The following AK5 variants were observed in gnomAD, a reference collection of about 807,000 sequenced individuals.
The protein encoded by AK5 is adenylate kinase isoenzyme 5.
In AK5, 27 loss-of-function variants were observed where a neutral mutation model predicts 69.5. The ratio of observed to expected loss-of-function variants is 0.39; its 90% CI spans 0.29 to 0.54. AK5 has a LOEUF of 0.54. Among genes scored for constraint, AK5 ranks in the 20% least tolerant of loss-of-function variants. AK5 has a pLI of 0.71. For missense variants in AK5, 531 were observed against 700.4 expected (o/e 0.76, Z 2.73); for synonymous variants, 260 against 244.4 (o/e 1.06, Z -0.60).
chr1:77,488,989 A>C (rs1443372387), intron 10 of AK5, among the ~76,000 whole-genome samples: 5 of 152,216 alleles, frequency 3.3e-5, no homozygotes, highest in African/African-American at 1.2e-4. Flanking sequence ...AGCTTCCAAA[A>C]ATAATACAGT....
intron 6 of AK5, among the ~76,000 whole-genome samples, chr1:77,367,779 A>ACGTTATATGTTAT (rs1557533869): frequency 0.11 from 1,118 of 10,450 alleles, 446 homozygotes; most frequent in East Asian, 0.25. Flanking sequence ...TGTTATATAT[A>ACGTTATATGTTAT]ATATATGTTA....
intron 5 of AK5, among the ~76,000 whole-genome samples, chr1:77,318,913 A>C (rs1308672080): frequency 6.6e-6 from 1 of 152,200 alleles, no homozygotes; most frequent in African/African-American, 2.4e-5. Context: ...AGGTTCCAGC[A>C]GGAAAGCAAT....
intron 8 of AK5, among the ~76,000 whole-genome samples, chr1:77,461,082 G>A (rs1407735994): frequency 6.9e-6 from 1 of 144,946 alleles, no homozygotes; most frequent in Non-Finnish European, 1.5e-5. Flanking sequence ...CGCCCAGGCT[G>A]GACTGCAGTG....
intron 6 of AK5, among the ~76,000 whole-genome samples, chr1:77,382,431 A>G (rs539061192): frequency 2.8e-3 from 422 of 152,256 alleles, no homozygotes; most frequent in Admixed American, 4.8e-3. Flanking sequence ...GCTCACTGCA[A>G]CCTCAAACTT....
At chr1:77,445,397 CAT>C (rs1328984679) in intron 8 of AK5, among the ~76,000 whole-genome samples, 1 of 152,138 alleles carries the variant, frequency 6.6e-6, no homozygotes, top group East Asian at 1.9e-4. Context: ...AGTACCTTTT[CAT>C]GTACCTGTTG....
At position 77,340,268 on chromosome 1, in the gene AK5, G is replaced by A. The variant is rs1439224372; in HGVS notation, c.700-109G>A. Reference sequence around the variant, plus strand: ...GAAATACACTGTCAAAAACATAGAGGGCCAAATATATGGCAGCCTCCACAG... The same window carrying A: ...GAAATACACTGTCAAAAACATAGAGAGCCAAATATATGGCAGCCTCCACAG... On this transcript the variant is annotated intron_variant, in intron 5 of 13. Coordinates refer to ENST00000354567, the MANE Select transcript of AK5 (RefSeq NM_174858.3). 1.0e-5 allele frequency: 11 copies of A among 1,099,534 alleles called. No homozygotes were observed. In the East Asian group the frequency reaches 1.4e-4, roughly 14 times the overall value. The allele number at this position is 1,099,534 out of a possible 1,614,324, so 68.1% of individuals were successfully genotyped here.
rs572168775 is a variant in AK5, at chr1:77,522,833, A to G, written c.1428+890A>G. On this transcript the variant is annotated intron_variant, in intron 12 of 13. Transcript: ENST00000354567. ...GAGAACTTAAAAGAAATTCATATTT[A>G]TAGAGATATCTCTTCAGACTAGTTT... Among the ~76,000 whole-genome samples, 5 of 152,356 alleles carry G rather than the reference A, an allele frequency of 3.3e-5. No individual in the cohort carries two copies. The South Asian group carries it at 1.0e-3, about 32-fold the overall frequency.
intron 10 of AK5, among the ~76,000 whole-genome samples, chr1:77,499,849 C>G (rs921724305): frequency 1.5e-5 from 2 of 131,682 alleles, no homozygotes; most frequent in African/African-American, 5.7e-5. Context: ...TCCTAGATGA[C>G]AGAGACCATG....
At chr1:77,389,090 A>G (rs1648243431) in intron 6 of AK5, among the ~76,000 whole-genome samples, 1 of 152,194 alleles carries the variant, frequency 6.6e-6, no homozygotes. Flanking sequence ...GACTTCTTTG[A>G]CTAGAGAGCA....
intron 8 of AK5, among the ~76,000 whole-genome samples, chr1:77,435,236 G>A (rs1380518816): frequency 6.6e-6 from 1 of 152,162 alleles, no homozygotes; most frequent in Non-Finnish European, 1.5e-5. Flanking sequence ...AGCAAAAATT[G>A]TACTTCTGAG....
intron 10 of AK5, among the ~76,000 whole-genome samples, chr1:77,486,598 T>C (rs1655613714): frequency 6.6e-6 from 1 of 150,898 alleles, no homozygotes; most frequent in South Asian, 2.1e-4. Flanking sequence ...CTCGGGAGGC[T>C]GAGGCAGGAG....
chr1:77,361,563 A>T (rs1177335654), intron 6 of AK5, among the ~76,000 whole-genome samples: 1 of 152,218 alleles, frequency 6.6e-6, no homozygotes. Context: ...TGTGTGTATC[A>T]TGAGCCCTGT....
chr1:77,390,436 G>A (rs1211007895), intron 6 of AK5, among the ~76,000 whole-genome samples: 2 of 152,170 alleles, frequency 1.3e-5, no homozygotes, highest in Non-Finnish European at 2.9e-5. Context: ...CTCAGTATCA[G>A]TAAACAGTTA....
At chr1:77,367,640 T>TAATA (rs1345965798) in intron 6 of AK5, among the ~76,000 whole-genome samples, 1 of 84,702 alleles carries the variant, frequency 1.2e-5, no homozygotes, top group South Asian at 4.1e-4. Flanking sequence ...AATATATATG[T>TAATA]TATGTTATAT....
intron 7 of AK5, among the ~76,000 whole-genome samples, chr1:77,416,036 T>C (rs1398860017): frequency 6.6e-6 from 1 of 151,924 alleles, no homozygotes; most frequent in Non-Finnish European, 1.5e-5. Context: ...ATGGGAAAAA[T>C]ACATATATAG....
At chr1:77,430,028 G>A (rs1194497300) in intron 8 of AK5, among the ~76,000 whole-genome samples, 1 of 151,990 alleles carries the variant, frequency 6.6e-6, no homozygotes, top group African/African-American at 2.4e-5. Context: ...TTCTGAGGAG[G>A]GAGGAGAGTG....
chr1:77,512,248 A>G (rs901700748), intron 10 of AK5, among the ~76,000 whole-genome samples: 3 of 152,162 alleles, frequency 2.0e-5, no homozygotes, highest in Non-Finnish European at 2.9e-5. Flanking sequence ...TGTGTGAGAG[A>G]GAGAGAGACA....
At chr1:77,419,583 A>G (rs974025543) in intron 8 of AK5, among the ~76,000 whole-genome samples, 1 of 152,238 alleles carries the variant, frequency 6.6e-6, no homozygotes, top group African/African-American at 2.4e-5. Flanking sequence ...AATTCAATTA[A>G]CGGTTGAATA....
At chr1:77,544,512 G>A (rs991446989) in intron 13 of AK5, among the ~76,000 whole-genome samples, 5 of 150,250 alleles carry the variant, frequency 3.3e-5, no homozygotes, top group African/African-American at 1.2e-4. Context: ...CTTATTCTAT[G>A]TTTTTTTCTA....
Sources: allele counts gnomAD v4.1 joint callset (sites outside exome capture counted in the v4.1 genomes callset), GRCh38; gene constraint gnomAD v4.1.1; transcripts MANE v1.5; gene names NCBI Gene and HGNC (gene_info 2026-07-23, HGNC 2026-07-21).